Variants in ASIC1 observed in about 807,000 individuals in gnomAD.
ASIC1 encodes the protein acid sensing ion channel subunit 1, also known as acid-sensing ion channel 1.
A neutral mutation model predicts 63.4 loss-of-function variants in ASIC1; 21 were observed. The observed-to-expected ratio is 0.33, with a 90% confidence interval of 0.23 to 0.48. The LOEUF is 0.48. ASIC1 is among the 20% of genes least tolerant of loss of function. The probability of loss-of-function intolerance (pLI) is 0.99; values close to 1 mark genes in which losing one functional copy is unlikely to be tolerated. For missense variants in ASIC1, 478 were observed against 695.5 expected, an observed-to-expected ratio of 0.69 and a Z score of 3.52; for synonymous variants, 258 against 278.2, an observed-to-expected ratio of 0.93 and a Z score of 0.72.
In ASIC1 at chr12:50,078,334, A is replaced by G. The variant is rs1950679528; in HGVS notation, c.838-87A>G. 13 of 1,553,724 alleles carry G rather than the reference A, an allele frequency of 8.4e-6. No individual in the cohort carries two copies. The highest frequency in any genetic ancestry group is 1.1e-5 in the Non-Finnish European group (12 of 1,139,190). ...CAGAGGGAGAGGGGAGCAGAACTCC[A>G]GAGATCTGCATCTTGTCAGAGGAGT... On this transcript the variant is annotated intron_variant, in intron 5 of 11. Coordinates refer to ENST00000447966, the MANE Select transcript of ASIC1 (RefSeq NM_001095.4). This position sits in a 1 kb window ranked among gnomAD's most constrained non-coding sequence, Gnocchi z 6.0.
intron 3 of ASIC1, among the ~76,000 whole-genome samples, chr12:50,060,253 T>A (rs1427954361): frequency 2.0e-5 from 3 of 152,206 alleles, no homozygotes; most frequent in African/African-American, 4.8e-5. Context: ...CCACCAAGCT[T>A]ACCTTCTAGG....
intron 3 of ASIC1, among the ~76,000 whole-genome samples, chr12:50,061,744 C>T (rs141393920): frequency 6.6e-6 from 1 of 152,352 alleles, no homozygotes; most frequent in African/African-American, 2.4e-5. Flanking sequence ...GAGGCTCCAT[C>T]TGTCCATCAT....
At chr12:50,073,465 C>G in intron 3 of ASIC1, 1 of 1,427,602 alleles carries the variant, frequency 7.0e-7, no homozygotes, top group Non-Finnish European at 9.1e-7. Flanking sequence ...GCTGAGATAC[C>G]TGGCTGACGG....
rs749528528 is a variant in ASIC1 at position 50,058,893 on chromosome 12, C to T, written c.127C>T (p.Arg43Trp). The T allele has an allele frequency of 3.1e-6, 5 of 1,614,096 alleles. No homozygotes were observed. The highest frequency in any genetic ancestry group is 1.1e-5 in the South Asian group (1 of 91,092). Residue 43 changes from arginine to tryptophan, a missense_variant, in exon 2 of 12, where the codon CGG (arginine) becomes TGG (tryptophan). Around this residue, in one of 3 missense-constraint regions of ASIC1, gnomAD observed 290 missense variants for 414.9 expected, o/e 0.70. Transcript: ENST00000447966. ...CTCCTACGAGCGGCTGTCTCTGAAGCGGGCACTGTGGGCCCTGTGCTTCCT... is the reference window on the plus strand; with the variant it reads ...CTCCTACGAGCGGCTGTCTCTGAAGTGGGCACTGTGGGCCCTGTGCTTCCT... ...IFSYERLSLKRALWALCFLGS... is the reference protein window; with the variant it reads ...IFSYERLSLKWALWALCFLGS...
chr12:50,073,924 T>A, intron 3 of ASIC1: 1 of 1,535,816 alleles, frequency 6.5e-7, no homozygotes, highest in Non-Finnish European at 8.7e-7. Flanking sequence ...CGTTGCTTAT[T>A]ACCTCAGCTA....
chr12:50,059,822 C>T lies in ASIC1; in HGVS notation c.426C>T (p.Ala142=), dbSNP rs750324619. 36 of 1,614,066 alleles carry T rather than the reference C, an allele frequency of 2.2e-5. No homozygotes were observed. In the South Asian group the frequency reaches 3.8e-4, roughly 17 times the overall value. The change falls in exon 3 of 12, where the codon GCC becomes GCT. Residue 142 remains alanine (A), a synonymous_variant. Transcript: ENST00000447966. The surrounding 1 kb of genome is among the most constrained non-coding windows in gnomAD (Gnocchi z 4.6). ...AGCTGGAGATACTGCAGGACAAAGC[C>T]AACTTCCGCAGCTTCAAACCCAAAC... ...EKQLEILQDK[A]NFRSFKPKPF...
At chr12:50,070,304 C>T (rs1950586133) in intron 3 of ASIC1, among the ~76,000 whole-genome samples, 1 of 152,008 alleles carries the variant, frequency 6.6e-6, no homozygotes, top group African/African-American at 2.4e-5. Context: ...GAAGAATAAG[C>T]ATTTGTTTGA....
Position 50,082,375 on chromosome 12 carries a change from G to A in ASIC1, c.*726G>A, listed in dbSNP as rs706794. The A allele has an allele frequency of 6.6e-6, 1 of 152,314 alleles. No homozygotes were observed. The allele number at this position is 152,314 out of a possible 1,614,324, so 9.4% of individuals were successfully genotyped here. A position where few individuals can be genotyped will look rare whatever the true frequency, so the allele number is the denominator to read the frequency against. On this transcript the variant is annotated 3_prime_UTR_variant, in exon 12 of 12. Transcript: ENST00000447966. Reference sequence around the variant, plus strand: ...CTTCCTCACCATCCCATTAAAGACCGGGCTGGTTAGCGTCCAGCTCAGGGA... The same window carrying A: ...CTTCCTCACCATCCCATTAAAGACCAGGCTGGTTAGCGTCCAGCTCAGGGA...
chr12:50,079,788 C>A, intron 7 of ASIC1, 114 bp from the exon 8 acceptor site: 2 of 1,292,300 alleles, frequency 1.5e-6, no homozygotes, highest in South Asian at 3.0e-5. Context: ...AAGGGCAGGT[C>A]ACGGAAAGAG....
rs913618145 is a variant in ASIC1, at chr12:50,081,097, C to T, written c.1298-5C>T. 3 of 1,594,628 alleles carry T rather than the reference C, an allele frequency of 1.9e-6. No homozygotes were observed. The highest frequency in any genetic ancestry group is 2.6e-6 in the Non-Finnish European group (3 of 1,171,608). On this transcript the variant is annotated splice_polypyrimidine_tract_variant and splice_region_variant and intron_variant, in intron 9 of 11. Transcript: ENST00000447966. ...CACTGACCCCCCTGGCGCCTGCCCC[C>T]GCAGGTGACATCGGGGGCCAGATGG...
chr12:50,070,389 GGTGT>G (rs1326265555), intron 3 of ASIC1, among the ~76,000 whole-genome samples: 2 of 151,134 alleles, frequency 1.3e-5, no homozygotes, highest in South Asian at 4.2e-4. Flanking sequence ...TGCGTGTTGG[GGTGT>G]GTGTGTGTTG....
rs1592283000 is a variant in ASIC1 at position 50,083,177 on chromosome 12, A to C, written c.*1528A>C. 1 of 152,068 alleles carries C rather than the reference A, an allele frequency of 6.6e-6. No homozygotes were observed. The highest frequency in any genetic ancestry group is 6.6e-5 in the Admixed American group (1 of 15,260). The allele number at this position is 152,068 out of a possible 1,614,324, so 9.4% of individuals were successfully genotyped here. On this transcript the variant is annotated 3_prime_UTR_variant, in exon 12 of 12. Coordinates refer to ENST00000447966, the MANE Select transcript of ASIC1 (RefSeq NM_001095.4). ...GCCCAGCCCCCTTTCCTCACCTGAT[A>C]CCCAAGCCCACCACTTTTATTTTCT...
At chr12:50,077,482 C>G in intron 4 of ASIC1, 119 bp downstream of exon 4, 1 of 1,354,168 alleles carries the variant, frequency 7.4e-7, no homozygotes, top group Admixed American at 2.4e-5. Context: ...CTCCCTCCAG[C>G]ATCTCACCAT....
At chr12:50,077,609 A>G (rs893160726) in intron 4 of ASIC1, among the ~76,000 whole-genome samples, 1 of 149,944 alleles carries the variant, frequency 6.7e-6, no homozygotes, top group African/African-American at 2.5e-5. Flanking sequence ...CCGCCACTCT[A>G]TAAATAACTC....
intron 3 of ASIC1, among the ~76,000 whole-genome samples, chr12:50,071,157 T>C (rs1447508497): frequency 6.6e-6 from 1 of 152,030 alleles, no homozygotes; most frequent in East Asian, 1.9e-4. Flanking sequence ...GTAGGAATTC[T>C]CCAGATGGAG....
chr12:50,079,183 G>A (rs983966316), intron 7 of ASIC1, among the ~76,000 whole-genome samples: 5 of 152,142 alleles, frequency 3.3e-5, no homozygotes, highest in Non-Finnish European at 7.3e-5. Flanking sequence ...AGGCTGAGGT[G>A]GGCAAATTGC....
At chr12:50,072,164 G>GAAGGGAAGAA (rs1950606063) in intron 3 of ASIC1, among the ~76,000 whole-genome samples, 2 of 152,200 alleles carry the variant, frequency 1.3e-5, no homozygotes, top group Non-Finnish European at 2.9e-5. Context: ...GATGGTGGGA[G>GAAGGGAAGAA]CAGGGAGGGA....
intron 3 of ASIC1, among the ~76,000 whole-genome samples, chr12:50,066,965 T>C (rs759675231): frequency 6.6e-6 from 1 of 152,222 alleles, no homozygotes; most frequent in Non-Finnish European, 1.5e-5. Flanking sequence ...CTCTCCCTGC[T>C]CTACAGTTGG....
At position 50,081,560 on chromosome 12, in the gene ASIC1, C is replaced by CT; in HGVS notation, c.1500dup (p.Arg501SerfsTer35). The stretch of plus-strand genomic sequence containing the variant: ...CTTCCCCCAGAACCCGTGCGAGAGC[C>CT]TTCGGGGCCACCCTGCCGGGATGAC... On this transcript the variant is annotated frameshift_variant, in exon 12 of 12. Transcript: ENST00000447966. LOFTEE classifies it high-confidence loss of function. 6.2e-7 allele frequency: 1 copy of CT among 1,614,170 alleles called. No homozygotes were observed. Among genetic ancestry groups the CT allele is most frequent in the Non-Finnish European group, 8.5e-7 (1 of 1,180,024 alleles).
Sources: gnomAD v4.1 joint callset for allele counts (sites outside exome capture counted in the v4.1 genomes callset) on GRCh38, gnomAD v4.1.1 for gene constraint, gnomAD v4.1.1 regional missense constraint, Gnocchi (gnomAD v3.1) non-coding constraint, MANE v1.5 for transcripts, NCBI Gene and HGNC (gene_info 2026-07-23, HGNC 2026-07-21) for gene names.